The following USP7 variants were observed in gnomAD, a reference collection of about 807,000 sequenced individuals.
The protein encoded by USP7 is ubiquitin C-terminal hydrolase 7.
In USP7, 9 loss-of-function variants were observed where a neutral mutation model predicts 162.9. The ratio of observed to expected loss-of-function variants is 0.06; its 90% CI spans 0.03 to 0.10. USP7 has a LOEUF of 0.10. Ranked by LOEUF, USP7 falls within the 10% of genes least tolerant of loss-of-function variation. The probability of loss-of-function intolerance (pLI) is 1.00; values close to 1 mark genes in which losing one functional copy is unlikely to be tolerated. For missense variants in USP7, 715 were observed against 1,373.7 expected, an observed-to-expected ratio of 0.52 and a Z score of 7.58; for synonymous variants, 562 against 475.9, an observed-to-expected ratio of 1.18 and a Z score of -2.35.
chr16:8,920,531 C>T, intron 4 of USP7, 84 bp from the exon 5 acceptor site: 1 of 1,055,342 alleles, frequency 9.5e-7, no homozygotes, highest in Non-Finnish European at 1.4e-6. Context: ...GTGCCCTGTA[C>T]TTAATAGAGA....
Position 8,910,726 on chromosome 16 carries a change from C to CA in USP7, c.1161+18dup. ...GAAGAACGCTACAACAGGACACTAG[C>CA]ACAAAACACTCAATTTACCTGTAAG... On this transcript the variant is annotated intron_variant, in intron 11 of 30. Transcript: ENST00000344836. 1.2e-6 allele frequency: 2 copies of CA among 1,611,508 alleles called. No individual in the cohort carries two copies. The highest frequency in any genetic ancestry group is 1.7e-6 in the Non-Finnish European group (2 of 1,177,862).
chr16:8,936,285 G>T (rs1026015583), intron 1 of USP7, among the ~76,000 whole-genome samples: 2 of 151,984 alleles, frequency 1.3e-5, no homozygotes, highest in Non-Finnish European at 2.9e-5. Context: ...CTCACATGGC[G>T]CCCTACAGCC....
intron 6 of USP7, 93 bp from the exon 7 acceptor site, chr16:8,917,249 C>G (rs1388597674): frequency 5.7e-6 from 8 of 1,413,134 alleles, no homozygotes; most frequent in Non-Finnish European, 7.5e-6. Context: ...TTAAAAAAAT[C>G]ATTTCTAATA....
At chr16:8,950,421 A>T (rs1456984457) in intron 1 of USP7, among the ~76,000 whole-genome samples, 1 of 152,248 alleles carries the variant, frequency 6.6e-6, no homozygotes. Context: ...TTTAAATAAC[A>T]GCTTCTGATT....
chr16:8,956,843 C>A (rs924565194), intron 1 of USP7, among the ~76,000 whole-genome samples: 24 of 152,282 alleles, frequency 1.6e-4, no homozygotes, highest in Admixed American at 1.4e-3. Flanking sequence ...GCCCAGCCCC[C>A]CCGCAGGCAG....
intron 12 of USP7, among the ~76,000 whole-genome samples, chr16:8,907,236 C>T (rs1261663858): frequency 6.6e-6 from 1 of 152,196 alleles, no homozygotes; most frequent in Non-Finnish European, 1.5e-5. Context: ...AAAATGTCTG[C>T]CACTGGCTCC....
intron 22 of USP7, 184 bp from the exon 23 acceptor site, chr16:8,899,372 G>T (rs1304742363): frequency 6.7e-6 from 5 of 746,256 alleles, no homozygotes; most frequent in Non-Finnish European, 1.1e-5. Context: ...ATCTGATGAA[G>T]ATAACTTTGG....
chr16:8,919,946 A>G (rs544358369), intron 5 of USP7, among the ~76,000 whole-genome samples: 1 of 151,926 alleles, frequency 6.6e-6, no homozygotes, highest in Non-Finnish European at 1.5e-5. Flanking sequence ...CTCGCTCACC[A>G]TGTTAGTTGT....
intron 2 of USP7, among the ~76,000 whole-genome samples, chr16:8,926,153 CAA>C (rs35060100): frequency 0.02 from 2,572 of 130,728 alleles, 45 homozygotes; most frequent in African/African-American, 0.053. Context: ...GACTCCGTCT[CAA>C]AAAAAAAAAA....
chr16:8,921,356 A>C, intron 3 of USP7, 61 bp from the exon 4 acceptor site: 1 of 1,573,692 alleles, frequency 6.4e-7, no homozygotes, highest in Non-Finnish European at 8.7e-7. Context: ...ATACATTTTT[A>C]AAGACAGTAA....
intron 1 of USP7, among the ~76,000 whole-genome samples, chr16:8,945,759 A>T (rs1375250854): frequency 6.6e-6 from 1 of 152,158 alleles, no homozygotes; most frequent in East Asian, 1.9e-4. Context: ...ATTTTGAATA[A>T]CACAGATCCA....
At chr16:8,937,904 G>A (rs914517241) in intron 1 of USP7, among the ~76,000 whole-genome samples, 4 of 152,150 alleles carry the variant, frequency 2.6e-5, no homozygotes, top group African/African-American at 9.7e-5. Context: ...GGAGCAAGAG[G>A]GGGAGAGAAA....
At chr16:8,899,287 A>T (rs2061738458) in intron 22 of USP7, 99 bp from the exon 23 acceptor site, 1 of 1,183,490 alleles carries the variant, frequency 8.4e-7, no homozygotes. Flanking sequence ...AGCAGCCTGA[A>T]TTTAAATTCC....
intron 2 of USP7, among the ~76,000 whole-genome samples, chr16:8,927,926 C>T (rs1306066988): frequency 6.6e-6 from 1 of 152,226 alleles, no homozygotes; most frequent in East Asian, 1.9e-4. Flanking sequence ...AGAAGAACTG[C>T]TTGAGCCAAG....
chr16:8,914,710 G>C (rs909947931), intron 10 of USP7, among the ~76,000 whole-genome samples: 11 of 151,918 alleles, frequency 7.2e-5, no homozygotes, highest in African/African-American at 2.4e-4. Flanking sequence ...TTAAACCCAG[G>C]AGTTCAAGAC....
intron 10 of USP7, among the ~76,000 whole-genome samples, chr16:8,912,245 A>T (rs2061958814): frequency 6.6e-6 from 1 of 152,146 alleles, no homozygotes; most frequent in Non-Finnish European, 1.5e-5. Flanking sequence ...TGAGGTCAGG[A>T]GTTCCAGACC....
intron 22 of USP7, 80 bp from the exon 23 acceptor site, chr16:8,899,268 T>A (rs771458687): frequency 7.1e-7 from 1 of 1,417,974 alleles, no homozygotes. Context: ...TTACTTAAAA[T>A]GTGCCATGAG....
rs1157554928 is a variant in USP7, at chr16:8,917,031, T to C, written c.846A>G (p.Ser282=). The change falls in exon 7 of 31, where the codon TCA becomes TCG. Residue 282 remains serine, a synonymous_variant. Transcript: ENST00000344836. The part of the protein sequence containing the change: ...KPVGTKKLTK[S]FGWETLDSFM... ...GGCAGATGTCTAATACATACCCAAATGACTTTGTTAACTTTTTTGTTCCTA... is the reference window on the plus strand; with the variant it reads ...GGCAGATGTCTAATACATACCCAAACGACTTTGTTAACTTTTTTGTTCCTA... 2 of 1,599,572 alleles carry C rather than the reference T, an allele frequency of 1.3e-6. No individual in the cohort carries two copies. The highest frequency in any genetic ancestry group is 2.3e-5 in the South Asian group (2 of 87,880).
In USP7 at chr16:8,930,341, C is replaced by G. The variant is rs768254284; in HGVS notation, c.136G>C (p.Val46Leu). 6.2e-7 allele frequency: 1 copy of G among 1,613,808 alleles called. No homozygotes were observed. The highest frequency in any genetic ancestry group is 8.5e-7 in the Non-Finnish European group (1 of 1,179,856). ...ITQNPVINGN[V>L]ALSDGHNTAE... ...GTGTTGTGTCCATCACTCAGGGCCACATTCCCATTGATCACAGGGTTCTGA... is the reference window on the plus strand; with the variant it reads ...GTGTTGTGTCCATCACTCAGGGCCAGATTCCCATTGATCACAGGGTTCTGA... Residue 46 changes from valine to leucine, a missense_variant, in exon 2 of 31, where the codon GTG (valine) becomes CTG (leucine). By Grantham distance (32) the Val-to-Leu change is conservative. Around this residue, in one of 11 missense-constraint regions of USP7, gnomAD observed 137 missense variants for 123.5 expected, o/e 1.11. Coordinates refer to ENST00000344836, the MANE Select transcript of USP7 (RefSeq NM_003470.3).
Sources: gnomAD v4.1 joint callset for allele counts (sites outside exome capture counted in the v4.1 genomes callset) on GRCh38, gnomAD v4.1.1 for gene constraint, gnomAD v4.1.1 regional missense constraint, MANE v1.5 for transcripts, NCBI Gene and HGNC (gene_info 2026-07-23, HGNC 2026-07-21) for gene names.